Variants in COX20 observed in about 807,000 individuals in gnomAD.
COX20 encodes the protein cytochrome c oxidase assembly factor COX20, also known as cytochrome c oxidase assembly protein COX20, mitochondrial.
In COX20, 14 loss-of-function variants were observed where a neutral mutation model predicts 14.3. The ratio of observed to expected loss-of-function variants is 0.98; its 90% CI spans 0.65 to 1.53. The LOEUF is 1.53. Among genes scored for constraint, COX20 ranks in the 40% most tolerant of loss-of-function variants. The pLI, the probability that COX20 is intolerant of heterozygous loss-of-function variation, is 0.00. For missense variants in COX20, 149 were observed against 142.1 expected (o/e 1.05, Z -0.25); for synonymous variants, 56 against 51.7 (o/e 1.08, Z -0.36).
At chr1:244,840,287 A>T (rs1246967001) in intron 1 of COX20, 3 of 152,196 alleles carry the variant, frequency 2.0e-5, no homozygotes, top group Non-Finnish European at 4.4e-5. Flanking sequence ...AAAATACTTA[A>T]TTCTATCCTG....
chr1:244,843,179 A>G lies in COX20; in HGVS notation c.*3A>G, dbSNP rs776991341. The stretch of plus-strand genomic sequence containing the variant: ...ACAACGGCAGCAGCAGCAATTGAAC[A>G]ATCTTGAGCATAGAAGTCAATGTAA... On this transcript the variant is annotated 3_prime_UTR_variant, in exon 4 of 4. Transcript: ENST00000411948. 5 of 1,573,722 alleles carry G rather than the reference A, an allele frequency of 3.2e-6. No homozygotes were observed. The highest frequency in any genetic ancestry group is 4.3e-6 in the Non-Finnish European group (5 of 1,168,794).
rs187742800 is a variant in COX20 at position 244,836,424 on chromosome 1, T to C, written c.42+668T>C. The C allele has an allele frequency of 2.0e-4, 294 of 1,452,946 alleles. 3 individuals are homozygous for C. The African/African-American group carries it at 3.5e-3, about 17-fold the overall frequency. The allele number at this position is 1,452,946 out of a possible 1,614,324, so 90.0% of individuals were successfully genotyped here. On this transcript the variant is annotated intron_variant, in intron 1 of 3. Transcript: ENST00000411948. ...TATAGTAAAGCTAAACCAAGCGCTC[T>C]CCCTGGAAGGGCTCCTGTGTTTCAC...
In COX20 at chr1:244,844,119, CTATTATTTTGATGTACCATGGA is replaced by C. The variant is rs1411638504; in HGVS notation, c.*944_*965del. The stretch of plus-strand genomic sequence containing the variant: ...AACAGGATTGTGGCCATTACTGGTC[CTATTATTTTGATGTACCATGGA>C]AGGCACAGAAATCGAGCAAGGAAGA... On this transcript the variant is annotated 3_prime_UTR_variant, in exon 4 of 4. Transcript: ENST00000411948. 6.6e-6 allele frequency: 1 copy of C among 152,130 alleles called. No homozygotes were observed. The highest frequency in any genetic ancestry group is 1.5e-5 in the Non-Finnish European group (1 of 68,018). 9.4% of individuals were successfully genotyped at this position (152,130 alleles called of 1,614,324 possible). A position where few individuals can be genotyped will look rare whatever the true frequency, so the allele number is the denominator to read the frequency against.
rs59190751 is a variant in COX20 at position 244,843,190 on chromosome 1, T to TAGAAA, written c.*18_*19insAAGAA. On this transcript the variant is annotated 3_prime_UTR_variant, in exon 4 of 4. Coordinates refer to ENST00000411948, the MANE Select transcript of COX20 (RefSeq NM_198076.6). ...AGCAGCAATTGAACAATCTTGAGCA[T>TAGAAA]AGAAGTCAATGTAAACGAAGTTAAG... The TAGAAA allele has an allele frequency of 0.13, 197,001 of 1,534,748 alleles. 21,473 individuals carry two copies. Among genetic ancestry groups the TAGAAA allele is most frequent in the African/African-American group, 0.35 (24,096 of 68,430 alleles).
intron 1 of COX20, among the ~76,000 whole-genome samples, chr1:244,837,835 A>G (rs1190859491): frequency 6.6e-6 from 1 of 152,226 alleles, no homozygotes; most frequent in Non-Finnish European, 1.5e-5. Flanking sequence ...ACTAGTGGAC[A>G]AGAGTAGGAT....
intron 1 of COX20, among the ~76,000 whole-genome samples, chr1:244,837,646 G>A (rs189365162): frequency 6.6e-6 from 1 of 152,310 alleles, no homozygotes; most frequent in East Asian, 1.9e-4. Flanking sequence ...GACACTGAAC[G>A]AGGTACTAGA....
In COX20 at chr1:244,843,946, G is replaced by A. The variant is rs548655551; in HGVS notation, c.*770G>A. 11 of 152,162 alleles carry A rather than the reference G, an allele frequency of 7.2e-5. No homozygotes were observed. The highest frequency in any genetic ancestry group is 3.9e-4 in the East Asian group (2 of 5,192). 9.4% of individuals were successfully genotyped at this position (152,162 alleles called of 1,614,324 possible). On this transcript the variant is annotated 3_prime_UTR_variant, in exon 4 of 4. Transcript: ENST00000411948. ...ACTAAATCCTCAGGATTTATTCTCC[G>A]GGAGAAATTATCCCTTTCTAGGAAA...
At position 244,840,591 on chromosome 1, in the gene COX20, G is replaced by C. The variant is rs542710149; in HGVS notation, c.43-1353G>C. 3 of 149,264 alleles carry C rather than the reference G, an allele frequency of 2.0e-5. No individual in the cohort carries two copies. In the East Asian group the frequency reaches 5.8e-4, roughly 29 times the overall value. 9.2% of individuals were successfully genotyped at this position (149,264 alleles called of 1,614,324 possible). On this transcript the variant is annotated intron_variant, in intron 1 of 3. Transcript: ENST00000411948. The stretch of plus-strand genomic sequence containing the variant: ...TTTGAAGCAATCCTATGTTAGGCAT[G>C]CGGGTGGGAACGGGGCCAGACAGAG...
chr1:244,836,098 A>G (rs1365205453), intron 1 of COX20, among the ~76,000 whole-genome samples: 1 of 152,242 alleles, frequency 6.6e-6, no homozygotes, highest in Non-Finnish European at 1.5e-5. Context: ...AGTAGAGATT[A>G]AAGCTCCGTT....
At chr1:244,837,495 C>G (rs369770665) in intron 1 of COX20, among the ~76,000 whole-genome samples, 1 of 152,066 alleles carries the variant, frequency 6.6e-6, no homozygotes, top group African/African-American at 2.4e-5. Context: ...TAGAACTAGC[C>G]CCTAAAAACT....
At chr1:244,837,091 T>TAA (rs1455702092) in intron 1 of COX20, among the ~76,000 whole-genome samples, 1 of 151,864 alleles carries the variant, frequency 6.6e-6, no homozygotes, top group African/African-American at 2.4e-5. Flanking sequence ...AAAGGTGGTT[T>TAA]AATCCATTGG....
At chr1:244,839,896 C>G (rs899399952) in intron 1 of COX20, 2 of 152,098 alleles carry the variant, frequency 1.3e-5, no homozygotes, top group Non-Finnish European at 2.9e-5. Flanking sequence ...CTTAAGTCCC[C>G]GAGCCTGTTT....
chr1:244,837,195 G>A (rs913862832), intron 1 of COX20, among the ~76,000 whole-genome samples: 3 of 152,032 alleles, frequency 2.0e-5, no homozygotes, highest in African/African-American at 7.2e-5. Flanking sequence ...TTGTTGAAAT[G>A]AAGATAGTTA....
chr1:244,835,338 G>A (rs898289039), upstream of COX20: 5 of 197,830 alleles, frequency 2.5e-5, no homozygotes, highest in Non-Finnish European at 4.1e-5. Context: ...GAGACGGTTA[G>A]AAATGGCGGT....
At chr1:244,836,170 T>C (rs553981960) in intron 1 of COX20, among the ~76,000 whole-genome samples, 3 of 152,322 alleles carry the variant, frequency 2.0e-5, no homozygotes, top group South Asian at 4.1e-4. Flanking sequence ...GAGTAATTGC[T>C]GAGGGATGAC....
Position 244,843,817 on chromosome 1 carries a change from A to G in COX20, c.*641A>G, listed in dbSNP as rs1291605996. 6.6e-6 allele frequency: 1 copy of G among 152,248 alleles called. No individual in the cohort carries two copies. Among genetic ancestry groups the G allele is most frequent in the Non-Finnish European group, 1.5e-5 (1 of 68,046 alleles). The allele number at this position is 152,248 out of a possible 1,614,324, so 9.4% of individuals were successfully genotyped here. A position where few individuals can be genotyped will look rare whatever the true frequency, so the allele number is the denominator to read the frequency against. On this transcript the variant is annotated 3_prime_UTR_variant, in exon 4 of 4. Coordinates refer to ENST00000411948, the MANE Select transcript of COX20 (RefSeq NM_198076.6). The stretch of plus-strand genomic sequence containing the variant: ...AACTTGTCTGGCAGACTGATGCAAT[A>G]GTAAAACAACTGCAGAATTACTATT...
intron 1 of COX20, chr1:244,836,591 C>A: frequency 7.9e-7 from 1 of 1,272,914 alleles, no homozygotes; most frequent in Non-Finnish European, 1.1e-6. Context: ...TTTATATCCT[C>A]AGGGCAGAAC....
chr1:244,835,703 G>C lies in COX20; in HGVS notation c.-12G>C, dbSNP rs1027980688. 7.5e-5 allele frequency: 94 copies of C among 1,257,634 alleles called. No homozygotes were observed. In the African/African-American group the frequency reaches 1.3e-3, roughly 17 times the overall value. 77.9% of individuals were successfully genotyped at this position (1,257,634 alleles called of 1,614,324 possible). ...GGCGGTGCAGGGCGGGTGGAGTCGC[G>C]GAGTAGTCCTCATGGCCGCCCCGCC... On this transcript the variant is annotated 5_prime_UTR_variant, in exon 1 of 4. Coordinates refer to ENST00000411948, the MANE Select transcript of COX20 (RefSeq NM_198076.6).
intron 1 of COX20, among the ~76,000 whole-genome samples, chr1:244,838,841 G>A (rs550420147): frequency 6.6e-6 from 1 of 152,148 alleles, no homozygotes; most frequent in Admixed American, 6.5e-5. Flanking sequence ...TGCCCAGGCT[G>A]GAGTGCAGTG....
Sources: allele counts gnomAD v4.1 joint callset (sites outside exome capture counted in the v4.1 genomes callset), GRCh38; gene constraint gnomAD v4.1.1; transcripts MANE v1.5; gene names NCBI Gene and HGNC (gene_info 2026-07-23, HGNC 2026-07-21).